The following ZNF215 variants were observed in gnomAD, a reference collection of about 807,000 sequenced individuals.
ZNF215 encodes zinc finger protein 215, also known as BWSCR2-associated zinc finger protein 2.
ZNF215 carries 24 observed loss-of-function variants against 27.2 expected under a neutral mutation model. The observed-to-expected ratio is 0.88, with a 90% CI of 0.64 to 1.24. ZNF215 has a LOEUF of 1.24. Among genes scored for constraint, ZNF215 ranks in the 50% most tolerant of loss-of-function variants. ZNF215 has a pLI of 0.00. For missense variants in ZNF215, 675 were observed against 605.7 expected (o/e 1.11, Z -1.20); for synonymous variants, 210 against 204.0 (o/e 1.03, Z -0.25).
intron 6 of ZNF215, among the ~76,000 whole-genome samples, chr11:6,947,303 T>C (rs1346163434): frequency 6.6e-6 from 1 of 152,154 alleles, no homozygotes; most frequent in Non-Finnish European, 1.5e-5. Context: ...TATGTCATAG[T>C]CTCCATCATG....
intron 6 of ZNF215, among the ~76,000 whole-genome samples, chr11:6,945,524 G>A (rs931511101): frequency 1.3e-5 from 2 of 152,120 alleles, no homozygotes; most frequent in African/African-American, 4.8e-5. Flanking sequence ...ACCTGAAACA[G>A]TTGTTGCTAA....
chr11:6,949,106 C>G lies in ZNF215; in HGVS notation c.712+5465C>G, dbSNP rs1849942157. Among the ~76,000 whole-genome samples the G allele has an allele frequency of 2.0e-5, 3 of 151,092 alleles. No individual in the cohort carries two copies. The South Asian group carries it at 6.4e-4, about 32-fold the overall frequency. On this transcript the variant is annotated intron_variant, in intron 6 of 6. Transcript: ENST00000278319. ...TCATTTTTTATGGCTGCATAGTATT[C>G]CATGGTGTATATGTGCCACATTTTC...
intron 5 of ZNF215, among the ~76,000 whole-genome samples, chr11:6,975,518 CT>C (rs1246527421): frequency 6.6e-6 from 1 of 151,934 alleles, no homozygotes; most frequent in Non-Finnish European, 1.5e-5. Flanking sequence ...CTCCCAGCCC[CT>C]AACTACCCTT....
intron 5 of ZNF215, among the ~76,000 whole-genome samples, chr11:6,978,064 A>C (rs1276996198): frequency 1.3e-5 from 2 of 152,020 alleles, no homozygotes; most frequent in African/African-American, 4.8e-5. Flanking sequence ...TAACATTACT[A>C]AGCATTTACT....
intron 2 of ZNF215, among the ~76,000 whole-genome samples, chr11:6,929,820 A>T (rs1849189368): frequency 6.7e-6 from 1 of 149,846 alleles, no homozygotes; most frequent in Non-Finnish European, 1.5e-5. Context: ...GGAAATTCCT[A>T]TGCAGAGCCC....
At chr11:6,933,794 CAAAAA>C (rs55667332) in intron 3 of ZNF215, among the ~76,000 whole-genome samples, 1 of 87,932 alleles carries the variant, frequency 1.1e-5, no homozygotes, top group Non-Finnish European at 2.3e-5. Flanking sequence ...GACTCCATCT[CAAAAA>C]AAAAAAAAAA....
chr11:6,951,376 G>A (rs1850053002), intron 6 of ZNF215, among the ~76,000 whole-genome samples: 1 of 152,134 alleles, frequency 6.6e-6, no homozygotes, highest in Admixed American at 6.5e-5. Flanking sequence ...ACTCTTTTTG[G>A]TTGGTAAGCT....
At chr11:6,940,081 AC>A (rs965551973) in intron 3 of ZNF215, among the ~76,000 whole-genome samples, 71 of 151,686 alleles carry the variant, frequency 4.7e-4, no homozygotes, top group African/African-American at 1.6e-3. Context: ...GAAAAAAAAA[AC>A]ATTATCCAAG....
chr11:6,947,552 T>C (rs1293641662), intron 6 of ZNF215, among the ~76,000 whole-genome samples: 2 of 151,846 alleles, frequency 1.3e-5, no homozygotes, highest in Non-Finnish European at 2.9e-5. Flanking sequence ...AATAAATAAA[T>C]AAATAACAAA....
downstream of ZNF215, among the ~76,000 whole-genome samples, chr11:6,959,951 CAT>C (rs1007294765): frequency 9.9e-5 from 15 of 151,898 alleles, no homozygotes; most frequent in Non-Finnish European, 8.8e-5. Flanking sequence ...TCAATATTTA[CAT>C]ATATATCATA....
Position 6,970,978 on chromosome 11 carries a change from A to T in ZNF215, c.806-13151A>T, listed in dbSNP as rs531762145. Among the ~76,000 whole-genome samples the T allele has an allele frequency of 1.7e-3, 254 of 152,252 alleles. 1 individual carries two copies. The highest frequency in any genetic ancestry group is 5.8e-3 in the African/African-American group (242 of 41,556). Reference sequence around the variant, plus strand: ...CTTGCAAGTGATTGGTAGAACAATAACCAGAGCAATCTTGAAAGCCAGGTG... The same window carrying T: ...CTTGCAAGTGATTGGTAGAACAATATCCAGAGCAATCTTGAAAGCCAGGTG... On this transcript the variant is annotated intron_variant, in intron 5 of 5. Coordinates refer to the ZNF215 transcript ENST00000529903.
chr11:6,957,689 C>T lies in ZNF215; in HGVS notation c.*1158C>T. 1 of 943,312 alleles carries T rather than the reference C, an allele frequency of 1.1e-6. No individual in the cohort carries two copies. The highest frequency in any genetic ancestry group is 1.3e-6 in the Non-Finnish European group (1 of 791,798). The allele number at this position is 943,312 out of a possible 1,614,324, so 58.4% of individuals were successfully genotyped here. A position where few individuals can be genotyped will look rare whatever the true frequency, so the allele number is the denominator to read the frequency against. On this transcript the variant is annotated 3_prime_UTR_variant, in exon 7 of 7. Transcript: ENST00000278319. Reference sequence around the variant, plus strand: ...AAATTGGTTTTGTTATACATCATTTCACTTAAAGTTGCAGTTCCTAAGAAC... The same window carrying T: ...AAATTGGTTTTGTTATACATCATTTTACTTAAAGTTGCAGTTCCTAAGAAC...
At chr11:6,937,402 A>G (rs937362905) in intron 3 of ZNF215, among the ~76,000 whole-genome samples, 1 of 151,346 alleles carries the variant, frequency 6.6e-6, no homozygotes, top group African/African-American at 2.4e-5. Context: ...GCGTTCATGT[A>G]TTGGAAAACT....
At chr11:6,984,112 ATTT>A in intron 5 of ZNF215, 6 of 362,476 alleles carry the variant, frequency 1.7e-5, no homozygotes, top group East Asian at 1.1e-4. Context: ...TGTCCCTTAA[ATTT>A]TTTTTTTTTT....
chr11:6,981,716 T>G (rs555807869), intron 5 of ZNF215, among the ~76,000 whole-genome samples: 11 of 152,288 alleles, frequency 7.2e-5, no homozygotes, highest in African/African-American at 2.6e-4. Flanking sequence ...ATGCCTAGGT[T>G]TTCTTCAGGG....
intron 4 of ZNF215, among the ~76,000 whole-genome samples, chr11:6,942,124 A>C (rs775057197): frequency 6.6e-6 from 1 of 152,230 alleles, no homozygotes; most frequent in Non-Finnish European, 1.5e-5. Flanking sequence ...TGTTCACTTA[A>C]GGAGATACTA....
At chr11:6,935,899 A>C (rs1275419849) in intron 3 of ZNF215, among the ~76,000 whole-genome samples, 1 of 152,170 alleles carries the variant, frequency 6.6e-6, no homozygotes, top group Non-Finnish European at 1.5e-5. Flanking sequence ...ACAGAAGGAA[A>C]TCTGGATAAT....
intron 6 of ZNF215, among the ~76,000 whole-genome samples, chr11:6,949,863 C>CA (rs35947323): frequency 0.22 from 33,909 of 151,982 alleles, 4,938 homozygotes; most frequent in Non-Finnish European, 0.33. Flanking sequence ...TTTATGGTTT[C>CA]AGGTCTAACG....
intron 5 of ZNF215, among the ~76,000 whole-genome samples, chr11:6,974,318 T>A (rs1850785593): frequency 6.6e-6 from 1 of 152,216 alleles, no homozygotes; most frequent in Non-Finnish European, 1.5e-5. Flanking sequence ...TAGTTTGAAG[T>A]CAGGTAGCGT....
Sources: gnomAD v4.1 joint callset for allele counts (sites outside exome capture counted in the v4.1 genomes callset) on GRCh38, gnomAD v4.1.1 for gene constraint, MANE v1.5 for transcripts, NCBI Gene and HGNC (gene_info 2026-07-23, HGNC 2026-07-21) for gene names.